Variants in HMGXB3 observed in about 807,000 individuals in gnomAD.
HMGXB3 encodes the protein HMG domain-containing protein 3.
In HMGXB3, 45 loss-of-function variants were observed where a neutral mutation model predicts 121.5. The observed-to-expected ratio is 0.37, with a 90% CI of 0.29 to 0.47. The LOEUF is 0.47. Among genes scored for constraint, HMGXB3 ranks in the 20% least tolerant of loss-of-function variants. HMGXB3 has a pLI of 0.99. For synonymous variants in HMGXB3, 590 were observed against 624.1 expected (o/e 0.95, Z 0.81); for missense variants, 1,376 against 1,602.2 (o/e 0.86, Z 2.41).
chr5:150,032,990 GCAGATTAGACCACC>G (rs1385779358), intron 11 of HMGXB3, among the ~76,000 whole-genome samples: 1 of 152,182 alleles, frequency 6.6e-6, no homozygotes, highest in African/African-American at 2.4e-5. Flanking sequence ...CTGAGACTTT[GCAGATTAGACCACC>G]GCTGCTTTCT....
At chr5:150,028,559 A>ATATATTT (rs1375655538) in intron 9 of HMGXB3, among the ~76,000 whole-genome samples, 1 of 38,892 alleles carries the variant, frequency 2.6e-5, no homozygotes, top group Non-Finnish European at 4.7e-5. Context: ...ATATATATAT[A>ATATATTT]TTTTTTTTTT....
intron 6 of HMGXB3, chr5:150,021,593 C>T (rs1581253095): frequency 1.6e-5 from 7 of 434,392 alleles, no homozygotes; most frequent in East Asian, 5.2e-5. Flanking sequence ...GTGACTTGCA[C>T]CTCAACTCCT....
At chr5:150,046,121 T>G (rs1266290052) in intron 16 of HMGXB3, among the ~76,000 whole-genome samples, 1 of 152,220 alleles carries the variant, frequency 6.6e-6, no homozygotes, top group Non-Finnish European at 1.5e-5. Flanking sequence ...GATAGGTTTC[T>G]AACAGCTTGA....
chr5:150,028,105 C>T (rs1296564304), intron 9 of HMGXB3, among the ~76,000 whole-genome samples: 1 of 152,048 alleles, frequency 6.6e-6, no homozygotes, highest in Non-Finnish European at 1.5e-5. Flanking sequence ...AGTCAACATA[C>T]ACAAGATGAA....
At chr5:150,032,873 A>G (rs935195067) in intron 11 of HMGXB3, among the ~76,000 whole-genome samples, 3 of 152,168 alleles carry the variant, frequency 2.0e-5, no homozygotes, top group African/African-American at 7.2e-5. Context: ...ACAGGCCTTA[A>G]GTAGGAGTGA....
intron 16 of HMGXB3, among the ~76,000 whole-genome samples, chr5:150,046,881 G>C (rs1756768826): frequency 6.7e-6 from 1 of 149,094 alleles, no homozygotes; most frequent in African/African-American, 2.6e-5. Context: ...TATTTTAAGG[G>C]CCCAGGCATC....
chr5:150,007,875 C>G (rs751854773), intron 3 of HMGXB3, among the ~76,000 whole-genome samples: 16 of 151,910 alleles, frequency 1.1e-4, no homozygotes, highest in Non-Finnish European at 1.3e-4. Context: ...GGCAAGTTGG[C>G]GAAACTCTAT....
intron 11 of HMGXB3, 49 bp from the exon 12 acceptor site, chr5:150,036,587 T>A (rs1756504998): frequency 6.9e-7 from 1 of 1,446,918 alleles, no homozygotes; most frequent in African/African-American, 1.4e-5. Flanking sequence ...AGCCTGAAGC[T>A]GGCTCTTTCT....
rs542202858 is a variant in HMGXB3, at chr5:150,006,635, A to G, written c.300A>G (p.Glu100=). ...TGGAGAAAGCCAAACTAGAGAAGGA[A>G]GGTTTGGATCCTGTAAGTAATTTTT... ...YYLEKAKLEK[E]GLDPNSKLSA... Residue 100 remains glutamate, a synonymous_variant, in exon 3 of 20, where the codon GAA becomes GAG. Coordinates refer to ENST00000502717, the MANE Select transcript of HMGXB3 (RefSeq NM_014983.3). 7.7e-6 allele frequency: 12 copies of G among 1,551,984 alleles called. No individual in the cohort carries two copies. The Middle Eastern group carries it at 5.1e-4, about 65-fold the overall frequency.
At chr5:150,049,283 AG>A (rs1216230540) in intron 18 of HMGXB3, among the ~76,000 whole-genome samples, 1 of 152,186 alleles carries the variant, frequency 6.6e-6, no homozygotes, top group Admixed American at 6.5e-5. Flanking sequence ...CTGACTGATG[AG>A]GGACCTTTTG....
At chr5:150,018,422 C>A in intron 5 of HMGXB3, 144 bp from the exon 6 acceptor site, 1 of 582,712 alleles carries the variant, frequency 1.7e-6, no homozygotes, top group South Asian at 5.3e-5. Flanking sequence ...ATTGTAGGAC[C>A]TTTCCAACAC....
In HMGXB3 at chr5:150,008,219, A is replaced by G. The variant is rs945654397; in HGVS notation, c.312+1572A>G. Among the ~76,000 whole-genome samples, 11 of 152,294 alleles carry G rather than the reference A, an allele frequency of 7.2e-5. No individual in the cohort carries two copies. In the South Asian group the frequency reaches 8.3e-4, roughly 12 times the overall value. On this transcript the variant is annotated intron_variant, in intron 3 of 19. Coordinates refer to ENST00000502717, the MANE Select transcript of HMGXB3 (RefSeq NM_014983.3). ...TTTAAAAAAATTTAAATCATCTGCAATGATTCTTCCTTATTTACATGCTTA... is the reference window on the plus strand; with the variant it reads ...TTTAAAAAAATTTAAATCATCTGCAGTGATTCTTCCTTATTTACATGCTTA...
intron 2 of HMGXB3, 38 bp downstream of exon 2, chr5:150,005,027 A>G: frequency 6.5e-7 from 1 of 1,527,948 alleles, no homozygotes; most frequent in Non-Finnish European, 8.8e-7. Flanking sequence ...AGCATTTATA[A>G]ACAGAAGTTG....
Position 150,026,857 on chromosome 5 carries a change from GC to G in HMGXB3, c.1614del (p.Arg539GlyfsTer6). 6.6e-7 allele frequency: 1 copy of G among 1,515,676 alleles called. No homozygotes were observed. The highest frequency in any genetic ancestry group is 8.8e-7 in the Non-Finnish European group (1 of 1,130,308). The allele number at this position is 1,515,676 out of a possible 1,614,324, so 93.9% of individuals were successfully genotyped here. The part of the protein sequence containing the change: ...GRGSSMGLPR[A>X]RQAFSLSDKT... Reference sequence around the variant, plus strand: ...AGGCAGCAGCATGGGACTGCCCAGGGCCAGGCAGGCCTTTTCCCTGAGTGGT... The same window carrying G: ...AGGCAGCAGCATGGGACTGCCCAGGGCAGGCAGGCCTTTTCCCTGAGTGGT... On this transcript the variant is annotated frameshift_variant, in exon 8 of 20. Transcript: ENST00000502717. LOFTEE classifies it high-confidence loss of function.
chr5:150,043,631 G>A (rs139330686), intron 15 of HMGXB3, among the ~76,000 whole-genome samples: 7 of 152,298 alleles, frequency 4.6e-5, no homozygotes, highest in South Asian at 4.1e-4. Flanking sequence ...ATTCAAATCC[G>A]CTTGCCTAGT....
intron 9 of HMGXB3, 123 bp from the exon 10 acceptor site, chr5:150,030,618 C>T (rs1328312833): frequency 5.5e-6 from 4 of 722,656 alleles, no homozygotes; most frequent in Non-Finnish European, 9.5e-6. Flanking sequence ...GTCCAGAGGG[C>T]TCATTTGGAG....
Position 150,046,977 on chromosome 5 carries a change from C to T in HMGXB3, c.2951-647C>T, listed in dbSNP as rs372896914. On this transcript the variant is annotated intron_variant, in intron 16 of 19. Coordinates refer to ENST00000502717, the MANE Select transcript of HMGXB3 (RefSeq NM_014983.3). ...CTGGGCTCACTGCAACTCTGCCTTC[C>T]GGGTTCAAGCAGTTCTCCTGTCTCA... 1.5e-3 allele frequency among the ~76,000 whole-genome samples: 223 copies of T among 150,408 alleles called. 2 individuals carry two copies. The South Asian group carries it at 0.035, about 24-fold the overall frequency.
chr5:150,026,793 C>T lies in HMGXB3; in HGVS notation c.1548C>T (p.Pro516=), dbSNP rs61739331. 338 of 1,548,610 alleles carry T rather than the reference C, an allele frequency of 2.2e-4. 1 individual carries two copies. The African/African-American group carries it at 4.2e-3, about 19-fold the overall frequency. ...CCTCATTACTGGCTGCAGCAAGACC[C>T]ATGAGAGCAATTTTGCCAGCCCCAG... The part of the protein sequence containing the change: ...GKPSLLAAAR[P]MRAILPAPVN... Residue 516 remains proline, a synonymous_variant, in exon 8 of 20, where the codon CCC becomes CCT. Coordinates refer to ENST00000502717, the MANE Select transcript of HMGXB3 (RefSeq NM_014983.3).
intron 15 of HMGXB3, 24 bp downstream of exon 15, chr5:150,041,993 A>G (rs1332711306): frequency 6.5e-7 from 1 of 1,540,132 alleles, no homozygotes; most frequent in Non-Finnish European, 8.8e-7. Flanking sequence ...AGCCACCGTG[A>G]GGGACCTGCG....
Sources: gnomAD v4.1 joint callset for allele counts (sites outside exome capture counted in the v4.1 genomes callset) on GRCh38, gnomAD v4.1.1 for gene constraint, MANE v1.5 for transcripts, NCBI Gene and HGNC (gene_info 2026-07-23, HGNC 2026-07-21) for gene names.